DHRSX: variants seen among roughly 807,000 people sequenced by gnomAD.
DHRSX encodes the protein dehydrogenase/reductase X-linked.
A neutral mutation model predicts 34.0 loss-of-function variants in DHRSX; 31 were observed. That is an observed-to-expected ratio of 0.91 (90% CI 0.69 to 1.23). The LOEUF is 1.23. DHRSX is among the 50% of genes most tolerant of loss of function. The pLI is 0.00. For synonymous variants in DHRSX, 201 were observed against 183.8 expected (o/e 1.09, Z -0.76); for missense variants, 414 against 428.1 (o/e 0.97, Z 0.29).
At chrX:2,322,478 G>A (rs2042323547) in intron 3 of DHRSX, among the ~76,000 whole-genome samples, 1 of 151,142 alleles carries the variant, frequency 6.6e-6, no homozygotes. Flanking sequence ...GAACGTGGGA[G>A]GCGTAGGCTG....
At chrX:2,266,449 G>T (rs772177527) in intron 5 of DHRSX, among the ~76,000 whole-genome samples, 2 of 146,272 alleles carry the variant, frequency 1.4e-5, no homozygotes, top group African/African-American at 2.5e-5. Context: ...CTCGGCAGAC[G>T]CAGGAAGCAC....
chrX:2,305,693 A>G (rs909977351), intron 3 of DHRSX, among the ~76,000 whole-genome samples: 8 of 152,120 alleles, frequency 5.3e-5, no homozygotes, highest in Admixed American at 5.2e-4. Context: ...CTTTGCAGGG[A>G]CACGGATGAA....
In DHRSX at chrX:2,347,419, C is replaced by T. The variant is rs570454601; in HGVS notation, c.287-55816G>A. On this transcript the variant is annotated intron_variant, in intron 3 of 6. Coordinates refer to ENST00000334651, the MANE Select transcript of DHRSX (RefSeq NM_145177.3). ...ATACAAGATGAGATTTGGGGCCGGG[C>T]GCGGTGGCTCACGCCTGTAATCCCA... is the stretch of plus-strand genomic sequence containing the variant. Among the ~76,000 whole-genome samples the T allele has an allele frequency of 9.8e-5, 15 of 152,314 alleles. No homozygotes were observed. The South Asian group carries it at 2.3e-3, about 23-fold the overall frequency.
At chrX:2,377,921 G>T (rs1281210900) in intron 3 of DHRSX, among the ~76,000 whole-genome samples, 1 of 152,092 alleles carries the variant, frequency 6.6e-6, no homozygotes, top group African/African-American at 2.4e-5. Flanking sequence ...TGTATGTTTA[G>T]TAGAGATGGA....
chrX:2,345,055 T>A (rs922200307), intron 3 of DHRSX, among the ~76,000 whole-genome samples: 7 of 151,632 alleles, frequency 4.6e-5, no homozygotes, highest in African/African-American at 1.7e-4. Flanking sequence ...CACAGTGACC[T>A]CCCTAACATA....
intron 4 of DHRSX, among the ~76,000 whole-genome samples, chrX:2,274,018 T>TA (rs1188425956): frequency 6.6e-6 from 1 of 152,108 alleles, no homozygotes; most frequent in Non-Finnish European, 1.5e-5. Flanking sequence ...TGCGAGTAAT[T>TA]ACGTTTATTC....
At chrX:2,336,027 G>A (rs1014272484) in intron 3 of DHRSX, among the ~76,000 whole-genome samples, 6 of 151,698 alleles carry the variant, frequency 4.0e-5, no homozygotes, top group African/African-American at 7.3e-5. Context: ...TTTTGTTGTC[G>A]TTGAGACAGA....
chrX:2,272,844 G>A (rs1260447707), intron 4 of DHRSX, among the ~76,000 whole-genome samples: 1 of 152,166 alleles, frequency 6.6e-6, no homozygotes, highest in African/African-American at 2.4e-5. Context: ...TGCCCCGAAA[G>A]AAAGTGAATT....
At chrX:2,394,225 G>A (rs1461918546) in intron 3 of DHRSX, among the ~76,000 whole-genome samples, 1 of 152,200 alleles carries the variant, frequency 6.6e-6, no homozygotes, top group Non-Finnish European at 1.5e-5. Flanking sequence ...TGGGAGTGCA[G>A]ACAGCAGGCT....
chrX:2,263,512 C>CT (rs775187535), intron 5 of DHRSX, among the ~76,000 whole-genome samples: 4,117 of 130,434 alleles, frequency 0.032, 113 homozygotes, highest in African/African-American at 0.058. Flanking sequence ...ATTTTTCTTT[C>CT]TTTTTTTTTT....
At chrX:2,383,525 C>G (rs1302699965) in intron 3 of DHRSX, among the ~76,000 whole-genome samples, 1 of 152,154 alleles carries the variant, frequency 6.6e-6, no homozygotes, top group African/African-American at 2.4e-5. Flanking sequence ...TCATCACAAC[C>G]ATCATCACCA....
chrX:2,346,459 TC>T (rs1415222962), intron 3 of DHRSX, among the ~76,000 whole-genome samples: 5 of 151,692 alleles, frequency 3.3e-5, no homozygotes, highest in East Asian at 3.9e-4. Flanking sequence ...GCCCCCAGCC[TC>T]CCCTCCCACA....
intron 3 of DHRSX, among the ~76,000 whole-genome samples, chrX:2,335,586 G>A (rs1158702874): frequency 6.6e-6 from 1 of 150,552 alleles, no homozygotes; most frequent in Admixed American, 6.6e-5. Flanking sequence ...GAGTAGCCGG[G>A]ACTACAGGTG....
intron 6 of DHRSX, among the ~76,000 whole-genome samples, chrX:2,234,846 G>A (rs188627631): frequency 1.3e-5 from 2 of 152,310 alleles, no homozygotes; most frequent in East Asian, 1.9e-4. Context: ...GAGTAGCTGG[G>A]ACTACAGGCG....
intron 1 of DHRSX, among the ~76,000 whole-genome samples, chrX:2,499,474 A>C (rs1400422076): frequency 6.6e-6 from 1 of 152,216 alleles, no homozygotes; most frequent in South Asian, 2.1e-4. Flanking sequence ...TTCTAGGTTT[A>C]AATTGAGAAT....
At chrX:2,472,567 C>T (rs147424867) in intron 1 of DHRSX, among the ~76,000 whole-genome samples, 2 of 152,102 alleles carry the variant, frequency 1.3e-5, no homozygotes, top group East Asian at 1.9e-4. Context: ...GCCAGGAGTT[C>T]GAGACCACCC....
chrX:2,365,854 C>T (rs1210880237), intron 3 of DHRSX, among the ~76,000 whole-genome samples: 5 of 152,010 alleles, frequency 3.3e-5, no homozygotes, highest in African/African-American at 4.8e-5. Context: ...GCATGCTGGG[C>T]TTAAAACCTA....
chrX:2,256,389 G>A (rs1488500028), intron 5 of DHRSX, among the ~76,000 whole-genome samples: 2 of 147,722 alleles, frequency 1.4e-5, no homozygotes, highest in Non-Finnish European at 3.0e-5. Flanking sequence ...TCCACCTCCC[G>A]GGTTCAAACA....
At chrX:2,319,077 T>A (rs1211559829) in intron 3 of DHRSX, among the ~76,000 whole-genome samples, 1 of 152,092 alleles carries the variant, frequency 6.6e-6, no homozygotes, top group Non-Finnish European at 1.5e-5. Context: ...TATTTCCACA[T>A]CTTTTAAACA....
Sources: allele counts gnomAD v4.1 joint callset (sites outside exome capture counted in the v4.1 genomes callset), GRCh38; gene constraint gnomAD v4.1.1; transcripts MANE v1.5; gene names NCBI Gene and HGNC (gene_info 2026-07-23, HGNC 2026-07-21).